LRMDA: variants seen among roughly 807,000 people sequenced by gnomAD.
LRMDA encodes the protein leucine-rich melanocyte differentiation-associated protein.
LRMDA carries 18 observed loss-of-function variants against 29.8 expected under a neutral mutation model. That is an observed-to-expected ratio of 0.60 (90% CI 0.42 to 0.90). The LOEUF is 0.90. LRMDA is among the 40% of genes least tolerant of loss of function. LRMDA has a pLI of 0.00. For synonymous variants in LRMDA, 125 were observed against 109.4 expected (o/e 1.14, Z -0.89); for missense variants, 273 against 273.9 (o/e 1.00, Z 0.02).
intron 6 of LRMDA, among the ~76,000 whole-genome samples, chr10:76,481,465 A>G (rs2132326908): frequency 6.6e-6 from 1 of 152,068 alleles, no homozygotes; most frequent in African/African-American, 2.4e-5. Flanking sequence ...TACTGTTTAT[A>G]AACCAAACTT....
chr10:76,308,147 C>A (rs957286218), intron 5 of LRMDA, among the ~76,000 whole-genome samples: 2 of 152,082 alleles, frequency 1.3e-5, no homozygotes, highest in African/African-American at 2.4e-5. Flanking sequence ...ATCCTCAAAC[C>A]CAGGAACAAA....
intron 2 of LRMDA, among the ~76,000 whole-genome samples, chr10:75,874,831 C>T (rs1004172487): frequency 2.0e-5 from 3 of 152,162 alleles, no homozygotes; most frequent in Non-Finnish European, 4.4e-5. Flanking sequence ...AAGATGAGGT[C>T]CTCTGCTCCA....
intron 5 of LRMDA, among the ~76,000 whole-genome samples, chr10:76,070,455 C>T (rs1017427625): frequency 2.0e-5 from 3 of 152,196 alleles, no homozygotes; most frequent in Admixed American, 6.5e-5. Context: ...GCACTCTCCA[C>T]TCATGGTGGA....
intron 5 of LRMDA, among the ~76,000 whole-genome samples, chr10:76,317,952 AT>A (rs1840721002): frequency 6.6e-6 from 1 of 152,168 alleles, no homozygotes; most frequent in African/African-American, 2.4e-5. Context: ...CCTATGTATT[AT>A]TTTAATGTTT....
At chr10:75,996,847 C>T (rs1340074705) in intron 2 of LRMDA, among the ~76,000 whole-genome samples, 1 of 151,888 alleles carries the variant, frequency 6.6e-6, no homozygotes, top group East Asian at 1.9e-4. Flanking sequence ...ATTCTCCTGC[C>T]TCAGCCTCCC....
At chr10:76,382,316 G>A (rs1841602550) in intron 6 of LRMDA, among the ~76,000 whole-genome samples, 1 of 152,212 alleles carries the variant, frequency 6.6e-6, no homozygotes, top group African/African-American at 2.4e-5. Context: ...GGAATTCAGT[G>A]TCTAGTTGAG....
chr10:75,577,777 C>T (rs1313199672), intron 2 of LRMDA, among the ~76,000 whole-genome samples: 1 of 152,134 alleles, frequency 6.6e-6, no homozygotes, highest in African/African-American at 2.4e-5. Flanking sequence ...AATTTCATAT[C>T]CAGCTAAACT....
intron 2 of LRMDA, among the ~76,000 whole-genome samples, chr10:75,651,724 A>G (rs1297369155): frequency 1.3e-5 from 2 of 152,198 alleles, no homozygotes; most frequent in African/African-American, 2.4e-5. Flanking sequence ...GACCCAGCCA[A>G]TCTTGCTTAG....
intron 2 of LRMDA, among the ~76,000 whole-genome samples, chr10:75,950,675 A>G (rs1846559291): frequency 6.6e-6 from 1 of 152,176 alleles, no homozygotes; most frequent in Non-Finnish European, 1.5e-5. Context: ...TAATGACAAT[A>G]CTTTTTGTGC....
At chr10:75,637,528 G>C (rs1031581145) in intron 2 of LRMDA, among the ~76,000 whole-genome samples, 2 of 152,130 alleles carry the variant, frequency 1.3e-5, no homozygotes, top group Non-Finnish European at 2.9e-5. Context: ...CTTACTGGCT[G>C]TCCTCTTGGA....
intron 4 of LRMDA, among the ~76,000 whole-genome samples, chr10:76,053,516 G>C (rs1848563494): frequency 7.6e-6 from 1 of 130,976 alleles, no homozygotes. Flanking sequence ...TATTTTTATG[G>C]CAAACTTGTA....
intron 5 of LRMDA, among the ~76,000 whole-genome samples, chr10:76,219,436 G>C (rs1349050813): frequency 6.6e-6 from 1 of 151,142 alleles, no homozygotes; most frequent in Admixed American, 6.6e-5. Flanking sequence ...CAAGCAAATG[G>C]AAAACAAAAA....
intron 5 of LRMDA, among the ~76,000 whole-genome samples, chr10:76,079,570 A>G (rs189612401): frequency 5.3e-5 from 8 of 152,328 alleles, no homozygotes; most frequent in African/African-American, 1.9e-4. Context: ...CCCACATTAG[A>G]TGGATACCAG....
intron 5 of LRMDA, among the ~76,000 whole-genome samples, chr10:76,214,158 C>G (rs1200049715): frequency 6.6e-6 from 1 of 151,970 alleles, no homozygotes; most frequent in Non-Finnish European, 1.5e-5. Context: ...AGCACAAAAG[C>G]TACTGTAATT....
At position 76,262,475 on chromosome 10, in the gene LRMDA, C is replaced by T. The variant is rs554614900; in HGVS notation, c.517-61926C>T. Among the ~76,000 whole-genome samples, 12 of 152,312 alleles carry T rather than the reference C, an allele frequency of 7.9e-5. No individual in the cohort carries two copies. The East Asian group carries it at 1.7e-3, about 22-fold the overall frequency. ...CAGGTTTAGGTTCTGGCTCCGGCAC[C>T]GTGTGAAGTTTATGAGTCTTTTCCC... is the stretch of plus-strand genomic sequence containing the variant. On this transcript the variant is annotated intron_variant, in intron 5 of 6. Coordinates refer to ENST00000611255, the MANE Select transcript of LRMDA (RefSeq NM_001305581.2).
intron 5 of LRMDA, among the ~76,000 whole-genome samples, chr10:76,213,130 G>C (rs992001871): frequency 6.6e-6 from 1 of 152,198 alleles, no homozygotes; most frequent in African/African-American, 2.4e-5. Context: ...GAAGTCTTTA[G>C]TTACAGCCAC....
At chr10:76,364,942 A>G (rs966599299) in intron 6 of LRMDA, among the ~76,000 whole-genome samples, 1 of 151,600 alleles carries the variant, frequency 6.6e-6, no homozygotes, top group Admixed American at 6.6e-5. Context: ...CAGTGAGAAC[A>G]TACAATGTTT....
chr10:75,653,416 G>A (rs898825992), intron 2 of LRMDA, among the ~76,000 whole-genome samples: 1 of 152,182 alleles, frequency 6.6e-6, no homozygotes, highest in African/African-American at 2.4e-5. Context: ...TCCCCTTCTT[G>A]TTTAGGTAGA....
intron 6 of LRMDA, among the ~76,000 whole-genome samples, chr10:76,391,080 C>T (rs1269186851): frequency 3.3e-5 from 5 of 152,188 alleles, no homozygotes; most frequent in African/African-American, 1.2e-4. Context: ...AATTTAGCAA[C>T]TATGAACAGG....
Sources: gnomAD v4.1 joint callset for allele counts (sites outside exome capture counted in the v4.1 genomes callset) on GRCh38, gnomAD v4.1.1 for gene constraint, MANE v1.5 for transcripts, NCBI Gene and HGNC (gene_info 2026-07-23, HGNC 2026-07-21) for gene names.